The following TPH1 variants were observed in gnomAD, a reference collection of about 807,000 sequenced individuals.
The protein encoded by TPH1 is tryptophan 5-hydroxylase 1.
In TPH1, 37 loss-of-function variants were observed where a neutral mutation model predicts 49.5. The ratio of observed to expected loss-of-function variants is 0.75; its 90% confidence interval spans 0.58 to 0.98. TPH1 has a LOEUF of 0.98. Ranked by LOEUF, TPH1 falls within the 50% of genes least tolerant of loss-of-function variation. TPH1 has a pLI of 0.00. For synonymous variants in TPH1, 160 were observed against 182.1 expected, an observed-to-expected ratio of 0.88 and a Z score of 0.98; for missense variants, 487 against 523.6, an observed-to-expected ratio of 0.93 and a Z score of 0.68.
intron 1 of TPH1, 114 bp from the exon 2 acceptor site, chr11:18,040,902 A>G: frequency 3.9e-6 from 4 of 1,013,448 alleles, no homozygotes; most frequent in Non-Finnish European, 5.7e-6. Context: ...AACCTTTTAT[A>G]AAACCTGGAT....
chr11:18,034,950 G>T (rs1848029261), intron 3 of TPH1, among the ~76,000 whole-genome samples: 1 of 152,224 alleles, frequency 6.6e-6, no homozygotes, highest in African/African-American at 2.4e-5. Context: ...AAGAAGGAAA[G>T]ACGGGGAGGT....
At chr11:18,028,476 A>T (rs1363290827) in intron 6 of TPH1, among the ~76,000 whole-genome samples, 1 of 152,226 alleles carries the variant, frequency 6.6e-6, no homozygotes, top group Non-Finnish European at 1.5e-5. Context: ...GTTTCTATCC[A>T]ACAGTCCTTT....
chr11:18,027,663 G>C (rs1847943548), intron 6 of TPH1, among the ~76,000 whole-genome samples: 1 of 152,156 alleles, frequency 6.6e-6, no homozygotes, highest in African/African-American at 2.4e-5. Flanking sequence ...GACCCTAAGA[G>C]ATCAGCTTTC....
intron 6 of TPH1, among the ~76,000 whole-genome samples, chr11:18,027,998 C>T (rs901812236): frequency 7.2e-5 from 11 of 152,168 alleles, no homozygotes; most frequent in Non-Finnish European, 1.5e-4. Context: ...TTTCAGACCA[C>T]GATGGAAATA....
chr11:18,039,122 C>A (rs685657), intron 2 of TPH1, among the ~76,000 whole-genome samples: 1 of 151,970 alleles, frequency 6.6e-6, no homozygotes, highest in Non-Finnish European at 1.5e-5. Context: ...AAAACTGATG[C>A]TTTTCATTAC....
intron 2 of TPH1, among the ~76,000 whole-genome samples, chr11:18,040,378 T>C (rs575306651): frequency 2.0e-5 from 3 of 147,916 alleles, no homozygotes; most frequent in Non-Finnish European, 4.5e-5. Context: ...TAGATATATA[T>C]ATAGAGAGAA....
At chr11:18,036,282 C>T (rs1848047828) in intron 2 of TPH1, 140 bp from the exon 3 acceptor site, 2 of 668,880 alleles carry the variant, frequency 3.0e-6, no homozygotes, top group Admixed American at 5.8e-5. Flanking sequence ...TTTAGTGCTG[C>T]CAACAACAAA....
chr11:18,039,993 A>G (rs753029029), intron 2 of TPH1, among the ~76,000 whole-genome samples: 3 of 151,952 alleles, frequency 2.0e-5, no homozygotes, highest in Non-Finnish European at 2.9e-5. Flanking sequence ...TGACAATAGG[A>G]GACACTGTCA....
Position 18,020,918 on chromosome 11 carries a change from G to T in TPH1, c.*73C>A. 7.3e-7 allele frequency: 1 copy of T among 1,371,052 alleles called. No individual in the cohort carries two copies. Among genetic ancestry groups the T allele is most frequent in the Non-Finnish European group, 1.0e-6 (1 of 959,148 alleles). The allele number at this position is 1,371,052 out of a possible 1,614,324, so 84.9% of individuals were successfully genotyped here. On this transcript the variant is annotated 3_prime_UTR_variant, in exon 11 of 11. Transcript: ENST00000682019. ...GAAGATGCTGTCCCTCCAGGATCAG[G>T]TGTTCAAGGAAAGCAAGAGATGGCC...
intron 3 of TPH1, 143 bp downstream of exon 3, chr11:18,035,816 A>G: frequency 1.5e-6 from 1 of 659,022 alleles, no homozygotes; most frequent in East Asian, 2.8e-5. Context: ...GAGCAACTAT[A>G]TTTTGTGTTC....
At position 18,026,638 on chromosome 11, in the gene TPH1, G is replaced by A. The variant is rs1367843414; in HGVS notation, c.668-13C>T. ...AAACCTGTACGCTCTGCAAAGCAAA[G>A]GAGAAAACAAAGAAAATCTTTACCA... On this transcript the variant is annotated splice_polypyrimidine_tract_variant and intron_variant, in intron 6 of 10. Transcript: ENST00000682019. The A allele has an allele frequency of 2.5e-6, 4 of 1,613,818 alleles. No homozygotes were observed. Among genetic ancestry groups the A allele is most frequent in the Non-Finnish European group, 3.4e-6 (4 of 1,179,912 alleles).
intron 7 of TPH1, among the ~76,000 whole-genome samples, 190 bp from the exon 8 acceptor site, chr11:18,025,891 C>T (rs1847924382): frequency 6.6e-6 from 1 of 152,112 alleles, no homozygotes; most frequent in Admixed American, 6.6e-5. Flanking sequence ...CAGACTCACA[C>T]ATATAAGTGC....
rs761126088 is a variant in TPH1 at position 18,026,616 on chromosome 11, C to A, written c.677G>T (p.Gly226Val). 6.2e-7 allele frequency: 1 copy of A among 1,613,988 alleles called. No individual in the cohort carries two copies. Among genetic ancestry groups the A allele is most frequent in the South Asian group, 1.1e-5 (1 of 91,062 alleles). The change falls in exon 7 of 11, where the codon GGT becomes GTT. Residue 226 changes from glycine to valine, a missense_variant. Physicochemically the swap from Gly to Val is moderately radical, Grantham distance 109. Coordinates refer to ENST00000682019, the MANE Select transcript of TPH1 (RefSeq NM_004179.3). Reference sequence around the variant, plus strand: ...ACCAGCCACAGGACGGATGGAAAAACCTGTACGCTCTGCAAAGCAAAGGAG... The same window carrying A: ...ACCAGCCACAGGACGGATGGAAAAAACTGTACGCTCTGCAAAGCAAAGGAG... ...DVSNFLKERT[G>V]FSIRPVAGYL...
Position 18,025,615 on chromosome 11 carries a change from G to A in TPH1, c.890C>T (p.Ser297Phe), listed in dbSNP as rs745597799. Residue 297 changes from serine (S) to phenylalanine (F), a missense_variant, in exon 8 of 11, where the codon TCT becomes TTT. Coordinates refer to ENST00000682019, the MANE Select transcript of TPH1 (RefSeq NM_004179.3). Reference sequence around the variant, plus strand: ...AACAGCCTCCTCTGAAGCGCCAAGAGAAGCCAAGCCAATTTCTTGGGAGAA... The same window carrying A: ...AACAGCCTCCTCTGAAGCGCCAAGAAAAGCCAAGCCAATTTCTTGGGAGAA... Reference protein sequence around the residue: ...AQFSQEIGLASLGASEEAVQK... With the variant: ...AQFSQEIGLAFLGASEEAVQK... 1 of 1,613,998 alleles carries A rather than the reference G, an allele frequency of 6.2e-7. No homozygotes were observed. The highest frequency in any genetic ancestry group is 8.5e-7 in the Non-Finnish European group (1 of 1,179,896).
At chr11:18,029,706 G>T in intron 4 of TPH1, 127 bp from the exon 5 acceptor site, 2 of 733,616 alleles carry the variant, frequency 2.7e-6, no homozygotes, top group Non-Finnish European at 2.3e-6. Flanking sequence ...CTATGAGCAA[G>T]CATTATTTAG....
chr11:18,036,283 C>A, intron 2 of TPH1, 141 bp from the exon 3 acceptor site: 1 of 667,784 alleles, frequency 1.5e-6, no homozygotes, highest in South Asian at 1.9e-5. Context: ...TTAGTGCTGC[C>A]AACAACAAAA....
At chr11:18,043,083 C>T (rs1848112682) in intron 1 of TPH1, among the ~76,000 whole-genome samples, 1 of 152,148 alleles carries the variant, frequency 6.6e-6, no homozygotes, top group African/African-American at 2.4e-5. Flanking sequence ...GATACCATCA[C>T]CATGACATGC....
Position 18,029,148 on chromosome 11 carries a change from A to C in TPH1, c.667+17T>G, listed in dbSNP as rs1290175724. 1.3e-6 allele frequency: 2 copies of C among 1,586,884 alleles called. No homozygotes were observed. Among genetic ancestry groups the C allele is most frequent in the East Asian group, 4.5e-5 (2 of 44,736 alleles). ...GAGTTCAGCAACTCCCTTACAAAAA[A>C]TTAATTAGCTTATTACCTTTTAAAA... On this transcript the variant is annotated intron_variant, in intron 6 of 10. Coordinates refer to ENST00000682019, the MANE Select transcript of TPH1 (RefSeq NM_004179.3).
intron 1 of TPH1, among the ~76,000 whole-genome samples, chr11:18,044,326 G>A (rs1215219533): frequency 6.6e-6 from 1 of 151,990 alleles, no homozygotes; most frequent in Non-Finnish European, 1.5e-5. Flanking sequence ...GGAGGCTGAG[G>A]TAGGAGAATG....
Sources: gnomAD v4.1 joint callset for allele counts (sites outside exome capture counted in the v4.1 genomes callset) on GRCh38, gnomAD v4.1.1 for gene constraint, MANE v1.5 for transcripts, NCBI Gene and HGNC (gene_info 2026-07-23, HGNC 2026-07-21) for gene names.